The following TFPI variants were observed in gnomAD, a reference collection of about 807,000 sequenced individuals.
TFPI encodes the protein anti-convertin.
A neutral mutation model predicts 34.6 loss-of-function variants in TFPI; 15 were observed. That is an observed-to-expected ratio of 0.43 (90% CI 0.29 to 0.67). TFPI has a LOEUF of 0.67. Ranked by LOEUF, TFPI falls within the 30% of genes least tolerant of loss-of-function variation. TFPI has a pLI of 0.15. For missense variants in TFPI, 301 were observed against 364.0 expected (o/e 0.83, Z 1.41); for synonymous variants, 105 against 120.1 (o/e 0.87, Z 0.82).
intron 1 of TFPI, among the ~76,000 whole-genome samples, chr2:187,536,079 A>G (rs1159957255): frequency 6.6e-6 from 1 of 152,240 alleles, no homozygotes; most frequent in Non-Finnish European, 1.5e-5. Flanking sequence ...CCTGAAATTG[A>G]GGCAGTAATC....
intron 1 of TFPI, among the ~76,000 whole-genome samples, chr2:187,528,964 A>T (rs115621094): frequency 1.3e-5 from 2 of 152,194 alleles, no homozygotes; most frequent in Non-Finnish European, 2.9e-5. Context: ...AAGGCAGTAA[A>T]GATTTGATAC....
At position 187,466,518 on chromosome 2, in the gene TFPI, T is replaced by G. The variant is rs1371954111; in HGVS notation, c.*418A>C. 1 of 153,040 alleles carries G rather than the reference T, an allele frequency of 6.5e-6. No individual in the cohort carries two copies. The highest frequency in any genetic ancestry group is 3.1e-3 in the Middle Eastern group (1 of 320). The allele number at this position is 153,040 out of a possible 1,614,324, so 9.5% of individuals were successfully genotyped here. A position where few individuals can be genotyped will look rare whatever the true frequency, so the allele number is the denominator to read the frequency against. On this transcript the variant is annotated 3_prime_UTR_variant, in exon 8 of 8. Coordinates refer to ENST00000233156, the MANE Select transcript of TFPI (RefSeq NM_006287.6). ...CAGGTGTTTGTCACCATTTTATATGTGAAACTCAGGAAGTTCTTGATTTTT... is the reference window on the plus strand; with the variant it reads ...CAGGTGTTTGTCACCATTTTATATGGGAAACTCAGGAAGTTCTTGATTTTT...
chr2:187,500,506 T>C (rs184081316), intron 2 of TFPI, among the ~76,000 whole-genome samples: 27 of 152,256 alleles, frequency 1.8e-4, no homozygotes, highest in Non-Finnish European at 3.5e-4. Context: ...ATTATATAAT[T>C]TCCACTCAAT....
chr2:187,466,909 A>G lies in TFPI; in HGVS notation c.*27T>C. 8.3e-7 allele frequency: 1 copy of G among 1,208,376 alleles called. No homozygotes were observed. Among genetic ancestry groups the G allele is most frequent in the Non-Finnish European group, 1.2e-6 (1 of 843,002 alleles). The allele number at this position is 1,208,376 out of a possible 1,614,324, so 74.9% of individuals were successfully genotyped here. A position where few individuals can be genotyped will look rare whatever the true frequency, so the allele number is the denominator to read the frequency against. On this transcript the variant is annotated 3_prime_UTR_variant, in exon 8 of 8. Coordinates refer to ENST00000233156, the MANE Select transcript of TFPI (RefSeq NM_006287.6). ...ACATTTCATATAAAATATTTAGTAGAATTAATGTTACATTGCTATAACAAA... is the reference window on the plus strand; with the variant it reads ...ACATTTCATATAAAATATTTAGTAGGATTAATGTTACATTGCTATAACAAA...
At chr2:187,491,103 A>G (rs1340829306) in intron 3 of TFPI, among the ~76,000 whole-genome samples, 1 of 151,952 alleles carries the variant, frequency 6.6e-6, no homozygotes, top group Non-Finnish European at 1.5e-5. Context: ...TCCCCAGATA[A>G]TGCTGATTTG....
chr2:187,530,837 G>A (rs764245518), intron 1 of TFPI, among the ~76,000 whole-genome samples: 7 of 151,994 alleles, frequency 4.6e-5, no homozygotes, highest in Non-Finnish European at 1.0e-4. Context: ...GTTTTATTTT[G>A]TATTTTTTTT....
At chr2:187,511,260 C>T (rs993019831) in intron 1 of TFPI, among the ~76,000 whole-genome samples, 5 of 152,162 alleles carry the variant, frequency 3.3e-5, no homozygotes, top group Non-Finnish European at 7.4e-5. Context: ...TGAGTGGAAG[C>T]GTGGCCTGAT....
intron 1 of TFPI, among the ~76,000 whole-genome samples, chr2:187,533,565 C>T (rs992397495): frequency 1.3e-5 from 2 of 152,172 alleles, no homozygotes; most frequent in Non-Finnish European, 2.9e-5. Flanking sequence ...ACAAACGTCA[C>T]CAACATCAAA....
rs34047509 is a variant in TFPI, at chr2:187,496,904, T to G, written c.296A>C (p.Glu99Ala). Residue 99 changes from glutamate to alanine, a missense_variant, in exon 3 of 8, where the codon GAG becomes GCG. Transcript: ENST00000233156. ...ACCTCTTGTACACATTTTTTTGCAC[T>G]CTTCCAGACTTTCAAATCGATTCTG... is the stretch of plus-strand genomic sequence containing the variant. Reference protein sequence around the residue: ...GNQNRFESLEECKKMCTRDNA... With the variant: ...GNQNRFESLEACKKMCTRDNA... 10 of 1,613,016 alleles carry G rather than the reference T, an allele frequency of 6.2e-6. No individual in the cohort carries two copies. In the African/African-American group the frequency reaches 1.2e-4, roughly 19 times the overall value.
intron 6 of TFPI, among the ~76,000 whole-genome samples, chr2:187,470,329 C>A (rs1312557575): frequency 6.6e-6 from 1 of 152,166 alleles, no homozygotes; most frequent in East Asian, 1.9e-4. Flanking sequence ...AGAAAATTTT[C>A]TGATGACAGG....
chr2:187,528,586 T>C (rs1249703729), intron 1 of TFPI, among the ~76,000 whole-genome samples: 1 of 152,322 alleles, frequency 6.6e-6, no homozygotes, highest in East Asian at 1.9e-4. Context: ...TTTATTACTA[T>C]AGGAACGTTA....
At chr2:187,518,419 G>A (rs182604875) in intron 1 of TFPI, 74 of 152,264 alleles carry the variant, frequency 4.9e-4, no homozygotes, top group African/African-American at 1.5e-3. Flanking sequence ...GGCTGGATAC[G>A]AAATTCTAGG....
intron 1 of TFPI, among the ~76,000 whole-genome samples, chr2:187,537,302 C>T (rs1438331989): frequency 6.6e-6 from 1 of 152,114 alleles, no homozygotes; most frequent in African/African-American, 2.4e-5. Flanking sequence ...GCAAAAAGAA[C>T]AAAGCTGGAG....
intron 1 of TFPI, chr2:187,516,071 G>T (rs1486141508): frequency 4.6e-5 from 7 of 152,302 alleles, no homozygotes; most frequent in Non-Finnish European, 1.0e-4. Flanking sequence ...GAATCATACA[G>T]TTAAAAGCTG....
intron 1 of TFPI, among the ~76,000 whole-genome samples, chr2:187,536,506 C>G (rs1447562970): frequency 6.6e-6 from 1 of 152,180 alleles, no homozygotes; most frequent in African/African-American, 2.4e-5. Context: ...TCAATACATG[C>G]AGAAGAGGCC....
rs1174419964 is a variant in TFPI, at chr2:187,554,425, C to T, written c.-228G>A. ...ATTTGACTATTATCCAGCCTAAAGTCGCTGCTGTCTGTTAGAGCAAAGAGG... is the reference window on the plus strand; with the variant it reads ...ATTTGACTATTATCCAGCCTAAAGTTGCTGCTGTCTGTTAGAGCAAAGAGG... On this transcript the variant is annotated 5_prime_UTR_variant, in exon 1 of 8. Coordinates refer to ENST00000233156, the MANE Select transcript of TFPI (RefSeq NM_006287.6). The T allele has an allele frequency of 6.6e-6, 1 of 152,122 alleles. No homozygotes were observed. Among genetic ancestry groups the T allele is most frequent in the African/African-American group, 2.4e-5 (1 of 41,432 alleles). The allele number at this position is 152,122 out of a possible 1,614,324, so 9.4% of individuals were successfully genotyped here. A position where few individuals can be genotyped will look rare whatever the true frequency, so the allele number is the denominator to read the frequency against.
intron 1 of TFPI, among the ~76,000 whole-genome samples, chr2:187,541,619 G>A (rs1688587973): frequency 6.6e-6 from 1 of 152,204 alleles, no homozygotes; most frequent in South Asian, 2.1e-4. Flanking sequence ...TGTTTCGTGG[G>A]GTGAATGAGA....
intron 1 of TFPI, chr2:187,519,845 C>T (rs887943882): frequency 2.6e-5 from 4 of 152,380 alleles, no homozygotes; most frequent in African/African-American, 9.6e-5. Context: ...GATGCCCTGC[C>T]TAGAGAGGAG....
chr2:187,508,397 G>C (rs1476165592), intron 1 of TFPI, among the ~76,000 whole-genome samples: 1 of 151,080 alleles, frequency 6.6e-6, no homozygotes, highest in African/African-American at 2.4e-5. Context: ...TCTATAAATT[G>C]GGCAGTATGG....
Sources: allele counts gnomAD v4.1 joint callset (sites outside exome capture counted in the v4.1 genomes callset), GRCh38; gene constraint gnomAD v4.1.1; transcripts MANE v1.5; gene names NCBI Gene and HGNC (gene_info 2026-07-23, HGNC 2026-07-21).